RAPGEF6: variants seen among roughly 807,000 people sequenced by gnomAD.
RAPGEF6 encodes the protein PDZ domain containing guanine nucleotide exchange factor (GEF) 2.
In RAPGEF6, 56 loss-of-function variants were observed where a neutral mutation model predicts 171.4. That is an observed-to-expected ratio of 0.33 (90% CI 0.26 to 0.41). RAPGEF6 has a LOEUF of 0.41. RAPGEF6 is among the 10% of genes least tolerant of loss of function. The probability of loss-of-function intolerance (pLI) is 1.00; values close to 1 mark genes in which losing one functional copy is unlikely to be tolerated. For missense variants in RAPGEF6, 1,674 were observed against 1,921.4 expected (o/e 0.87, Z 2.41); for synonymous variants, 692 against 650.1 (o/e 1.06, Z -0.98).
intron 11 of RAPGEF6, among the ~76,000 whole-genome samples, chr5:131,499,114 G>C (rs1430953867): frequency 6.6e-6 from 1 of 152,194 alleles, no homozygotes; most frequent in Non-Finnish European, 1.5e-5. Context: ...ACCAGTTCAA[G>C]AGAGCCTGTT....
intron 4 of RAPGEF6, among the ~76,000 whole-genome samples, chr5:131,585,805 G>A (rs749969323): frequency 2.0e-5 from 3 of 152,086 alleles, no homozygotes; most frequent in South Asian, 2.1e-4. Flanking sequence ...CAGCCTGGGC[G>A]GCAAGAGCGA....
intron 10 of RAPGEF6, among the ~76,000 whole-genome samples, 163 bp from the exon 11 acceptor site, chr5:131,504,941 G>A (rs1277005747): frequency 6.6e-6 from 1 of 152,150 alleles, no homozygotes; most frequent in Non-Finnish European, 1.5e-5. Context: ...ATTCACGTAT[G>A]AAGAGACTAA....
At chr5:131,614,223 A>C (rs930021337) in intron 1 of RAPGEF6, among the ~76,000 whole-genome samples, 3 of 149,604 alleles carry the variant, frequency 2.0e-5, no homozygotes, top group Non-Finnish European at 4.4e-5. Context: ...CGGAGGTTGC[A>C]GCAAGCCAAG....
intron 11 of RAPGEF6, among the ~76,000 whole-genome samples, chr5:131,502,406 T>G (rs562532269): frequency 2.9e-4 from 44 of 152,298 alleles, no homozygotes; most frequent in African/African-American, 9.4e-4. Flanking sequence ...TTACAAAGGG[T>G]AAAATGATGA....
At chr5:131,589,386 T>A (rs977373238) in intron 4 of RAPGEF6, among the ~76,000 whole-genome samples, 7 of 152,258 alleles carry the variant, frequency 4.6e-5, no homozygotes, top group African/African-American at 1.7e-4. Context: ...AGAGGCACTA[T>A]GACAGATTAC....
intron 5 of RAPGEF6, among the ~76,000 whole-genome samples, chr5:131,550,674 C>T (rs574338572): frequency 2.9e-4 from 44 of 152,220 alleles, no homozygotes; most frequent in Non-Finnish European, 4.6e-4. Flanking sequence ...TCTCAAAGGC[C>T]ATCTCTTCCA....
chr5:131,499,114 G>A (rs1430953867), intron 11 of RAPGEF6, among the ~76,000 whole-genome samples: 5 of 152,194 alleles, frequency 3.3e-5, no homozygotes, highest in Non-Finnish European at 7.3e-5. Flanking sequence ...ACCAGTTCAA[G>A]AGAGCCTGTT....
At chr5:131,619,341 A>G (rs1047559380) in intron 1 of RAPGEF6, among the ~76,000 whole-genome samples, 1 of 152,160 alleles carries the variant, frequency 6.6e-6, no homozygotes, top group Admixed American at 6.5e-5. Context: ...GGGGGGGCAT[A>G]GCATTAGGAT....
intron 1 of RAPGEF6, among the ~76,000 whole-genome samples, chr5:131,622,055 G>A (rs186764936): frequency 9.2e-5 from 14 of 152,038 alleles, no homozygotes; most frequent in South Asian, 2.1e-4. Flanking sequence ...AATATTTACC[G>A]CACAAATGTT....
Position 131,604,519 on chromosome 5 carries a change from G to A in RAPGEF6, c.140+104C>T, listed in dbSNP as rs1764432426. 3.1e-6 allele frequency: 4 copies of A among 1,290,044 alleles called. No individual in the cohort carries two copies. In the African/African-American group the frequency reaches 4.6e-5, roughly 15 times the overall value. The allele number at this position is 1,290,044 out of a possible 1,614,324, so 79.9% of individuals were successfully genotyped here. The stretch of plus-strand genomic sequence containing the variant: ...ATCTAATCTATAATGCATATACCAA[G>A]GGCTTAAAACAATAAGGAATATAAA... On this transcript the variant is annotated intron_variant, in intron 2 of 27. Coordinates refer to ENST00000509018, the MANE Select transcript of RAPGEF6 (RefSeq NM_016340.6).
intron 1 of RAPGEF6, 64 bp from the exon 2 acceptor site, chr5:131,604,757 C>T (rs1764449329): frequency 6.7e-7 from 1 of 1,500,666 alleles, no homozygotes; most frequent in Non-Finnish European, 8.9e-7. Flanking sequence ...ATAAGGCACC[C>T]CACAATTCTG....
intron 6 of RAPGEF6, among the ~76,000 whole-genome samples, chr5:131,534,075 CA>C (rs1440319931): frequency 1.3e-5 from 2 of 152,002 alleles, no homozygotes; most frequent in Non-Finnish European, 2.9e-5. Context: ...CTCCAGGCGG[CA>C]AAATTATGAG....
At chr5:131,476,923 A>G (rs568540028) in intron 16 of RAPGEF6, among the ~76,000 whole-genome samples, 3 of 152,292 alleles carry the variant, frequency 2.0e-5, no homozygotes, top group Non-Finnish European at 2.9e-5. Flanking sequence ...AACATTTTCA[A>G]TTCTGTCCCT....
chr5:131,510,300 C>A lies in RAPGEF6; in HGVS notation c.805+14G>T. The stretch of plus-strand genomic sequence containing the variant: ...AAGTTACAAATTCTTATTGTGAACA[C>A]ATATATTTCTTACCAATGTCATCAT... On this transcript the variant is annotated intron_variant, in intron 8 of 27. Coordinates refer to ENST00000509018, the MANE Select transcript of RAPGEF6 (RefSeq NM_016340.6). 2 of 1,605,686 alleles carry A rather than the reference C, an allele frequency of 1.2e-6. No individual in the cohort carries two copies. The highest frequency in any genetic ancestry group is 1.7e-6 in the Non-Finnish European group (2 of 1,176,262).
At chr5:131,441,895 A>G (rs541444905) in intron 23 of RAPGEF6, among the ~76,000 whole-genome samples, 140 of 152,316 alleles carry the variant, frequency 9.2e-4, no homozygotes, top group African/African-American at 3.3e-3. Context: ...CTAACAGAAA[A>G]AAAAAGTGTG....
chr5:131,467,191 G>C (rs904034478), intron 17 of RAPGEF6, among the ~76,000 whole-genome samples: 1 of 152,168 alleles, frequency 6.6e-6, no homozygotes, highest in African/African-American at 2.4e-5. Context: ...TTCTGGGAAG[G>C]AGCACACAAT....
intron 1 of RAPGEF6, among the ~76,000 whole-genome samples, chr5:131,625,916 A>C (rs1395728826): frequency 6.6e-6 from 1 of 152,120 alleles, no homozygotes; most frequent in Admixed American, 6.5e-5. Flanking sequence ...GATAAAATAC[A>C]TGTCCAGTCT....
chr5:131,434,129 C>T (rs1580817746), intron 24 of RAPGEF6, among the ~76,000 whole-genome samples: 1 of 152,246 alleles, frequency 6.6e-6, no homozygotes, highest in South Asian at 2.1e-4. Flanking sequence ...GGTGGGAGTC[C>T]AGGACTCAAG....
intron 1 of RAPGEF6, among the ~76,000 whole-genome samples, chr5:131,624,038 G>A (rs567219147): frequency 1.3e-5 from 2 of 152,338 alleles, no homozygotes; most frequent in Admixed American, 6.5e-5. Context: ...ATGAGCACTA[G>A]AGCTTTCAGT....
Sources: allele counts gnomAD v4.1 joint callset (sites outside exome capture counted in the v4.1 genomes callset), GRCh38; gene constraint gnomAD v4.1.1; transcripts MANE v1.5; gene names NCBI Gene and HGNC (gene_info 2026-07-23, HGNC 2026-07-21).